STK3: variants seen among roughly 807,000 people sequenced by gnomAD.
STK3 encodes the protein serine/threonine kinase 3.
STK3 carries 41 observed loss-of-function variants against 58.0 expected under a neutral mutation model. That is an observed-to-expected ratio of 0.71 (90% CI 0.55 to 0.92). STK3 has a LOEUF of 0.92. Ranked by LOEUF, STK3 falls within the 40% of genes least tolerant of loss-of-function variation. The pLI, the probability that STK3 is intolerant of heterozygous loss-of-function variation, is 0.00. For missense variants in STK3, 479 were observed against 602.7 expected, an observed-to-expected ratio of 0.79 and a Z score of 2.15; for synonymous variants, 170 against 191.0, an observed-to-expected ratio of 0.89 and a Z score of 0.91.
At chr8:98,887,545 C>G (rs747105177) in intron 1 of STK3, among the ~76,000 whole-genome samples, 3 of 152,118 alleles carry the variant, frequency 2.0e-5, no homozygotes, top group Non-Finnish European at 4.4e-5. Flanking sequence ...AAACAACATT[C>G]AGCATATATG....
intron 9 of STK3, among the ~76,000 whole-genome samples, chr8:98,535,416 C>T (rs553255279): frequency 1.3e-5 from 2 of 151,994 alleles, no homozygotes; most frequent in South Asian, 4.1e-4. Flanking sequence ...AGATCATCTT[C>T]CTCTCTCCAC....
intron 2 of STK3, among the ~76,000 whole-genome samples, chr8:98,435,376 A>G (rs907056621): frequency 6.6e-6 from 1 of 152,246 alleles, no homozygotes; most frequent in Non-Finnish European, 1.5e-5. Context: ...AGAGAAAAGC[A>G]AGGTGCAGAT....
intron 10 of STK3, among the ~76,000 whole-genome samples, chr8:98,462,209 CAG>C (rs1820041757): frequency 6.6e-6 from 1 of 151,864 alleles, no homozygotes; most frequent in South Asian, 2.1e-4. Flanking sequence ...TTTTTTTTGA[CAG>C]AGTCTACTCT....
intron 1 of STK3, among the ~76,000 whole-genome samples, chr8:98,795,804 T>C (rs1469876598): frequency 9.7e-6 from 1 of 102,754 alleles, no homozygotes; most frequent in Non-Finnish European, 2.0e-5. Context: ...CAAAATACAA[T>C]ACAATACAAT....
At chr8:98,792,892 C>CTGTGTGTGTGTGTGTG (rs1299614188) in intron 1 of STK3, among the ~76,000 whole-genome samples, 5 of 98,136 alleles carry the variant, frequency 5.1e-5, no homozygotes, top group African/African-American at 2.2e-4. Context: ...GATAAAGAGA[C>CTGTGTGTGTGTGTGTG]TGTATGTGTG....
intron 10 of STK3, among the ~76,000 whole-genome samples, chr8:98,495,054 C>T (rs1315504579): frequency 6.6e-6 from 1 of 152,176 alleles, no homozygotes; most frequent in African/African-American, 2.4e-5. Context: ...TCCAGGCTTT[C>T]CAGAAGAAAA....
intron 7 of STK3, among the ~76,000 whole-genome samples, chr8:98,584,531 C>T (rs1814295858): frequency 2.6e-5 from 4 of 151,920 alleles, no homozygotes; most frequent in South Asian, 4.2e-4. Flanking sequence ...CAAGTCTTTG[C>T]TATTGTGAAT....
chr8:98,694,793 T>C (rs1199570386), intron 6 of STK3, among the ~76,000 whole-genome samples: 2 of 152,350 alleles, frequency 1.3e-5, no homozygotes, highest in African/African-American at 2.4e-5. Flanking sequence ...CTATTGTGAA[T>C]AGTGCCACAA....
At chr8:98,828,783 A>G (rs985552764), upstream of STK3, among the ~76,000 whole-genome samples, 1 of 152,232 alleles carries the variant, frequency 6.6e-6, no homozygotes, top group East Asian at 1.9e-4. Context: ...TGTCTTGTAT[A>G]TATGTCCGTA....
At chr8:98,636,762 G>A (rs1395150428) in intron 6 of STK3, among the ~76,000 whole-genome samples, 2 of 152,070 alleles carry the variant, frequency 1.3e-5, no homozygotes, top group African/African-American at 2.4e-5. Flanking sequence ...AAGTCATATA[G>A]TTAAAATTTA....
intron 3 of STK3, among the ~76,000 whole-genome samples, chr8:98,421,053 C>T (rs1321679438): frequency 6.6e-6 from 1 of 152,198 alleles, no homozygotes; most frequent in Non-Finnish European, 1.5e-5. Context: ...TCTTCATCTT[C>T]CGTAGTCACC....
intron 1 of STK3, among the ~76,000 whole-genome samples, chr8:98,920,465 G>C (rs976813642): frequency 1.3e-5 from 2 of 152,320 alleles, no homozygotes; most frequent in Non-Finnish European, 2.9e-5. Flanking sequence ...GTCCGGCTGG[G>C]TCTGGGAGCC....
intron 6 of STK3, among the ~76,000 whole-genome samples, chr8:98,643,881 C>T (rs1820207457): frequency 6.6e-6 from 1 of 152,100 alleles, no homozygotes; most frequent in Admixed American, 6.6e-5. Context: ...TGATGGCATG[C>T]ACCTGTAGTC....
At chr8:98,407,714 A>ATGTGTGTGTGTG (rs6150725) in intron 3 of STK3, among the ~76,000 whole-genome samples, 3 of 137,110 alleles carry the variant, frequency 2.2e-5, no homozygotes, top group African/African-American at 5.7e-5. Context: ...AGATGAGTGC[A>ATGTGTGTGTGTG]TGTGTGTGTG....
At chr8:98,654,341 A>T (rs1330132066) in intron 6 of STK3, among the ~76,000 whole-genome samples, 2 of 152,180 alleles carry the variant, frequency 1.3e-5, no homozygotes, top group African/African-American at 4.8e-5. Flanking sequence ...TGTCAAAATA[A>T]TAAGAGCTAT....
chr8:98,440,734 T>C (rs10955174), intron 1 of STK3, among the ~76,000 whole-genome samples: 70,740 of 152,090 alleles, frequency 0.47, 16,613 homozygotes, highest in Admixed American at 0.55. Flanking sequence ...AGGATGATGA[T>C]GTTAATAGCT....
intron 1 of STK3, among the ~76,000 whole-genome samples, chr8:98,798,131 A>G (rs914381289): frequency 1.3e-5 from 2 of 152,160 alleles, no homozygotes; most frequent in Non-Finnish European, 2.9e-5. Context: ...ATACTAACAA[A>G]TCTCATTAAT....
intron 3 of STK3, among the ~76,000 whole-genome samples, chr8:98,838,074 C>CAAAAAAAAAAA (rs58973724): frequency 1.2e-4 from 7 of 58,738 alleles, no homozygotes; most frequent in Admixed American, 2.0e-4. Context: ...ACTAAAAATA[C>CAAAAAAAAAAA]AAAAAAAAAA....
At chr8:98,696,705 G>T (rs1162145709) in intron 6 of STK3, among the ~76,000 whole-genome samples, 1 of 152,168 alleles carries the variant, frequency 6.6e-6, no homozygotes, top group African/African-American at 2.4e-5. Flanking sequence ...CAGGGATGAA[G>T]CCCACTTGAT....
Sources: gnomAD v4.1 joint callset for allele counts (sites outside exome capture counted in the v4.1 genomes callset) on GRCh38, gnomAD v4.1.1 for gene constraint, MANE v1.5 for transcripts, NCBI Gene and HGNC (gene_info 2026-07-23, HGNC 2026-07-21) for gene names.